SYBU: variants seen among roughly 807,000 people sequenced by gnomAD.
The protein encoded by SYBU is syntabulin, also known as GOLSYN A protein.
A neutral mutation model predicts 35.9 loss-of-function variants in SYBU; 21 were observed. The ratio of observed to expected loss-of-function variants is 0.58; its 90% CI spans 0.41 to 0.84. The LOEUF (loss-of-function observed/expected upper bound fraction) is 0.84, where lower values mean the gene tolerates loss of function less well. SYBU is among the 40% of genes least tolerant of loss of function. The pLI, the probability that SYBU is intolerant of heterozygous loss-of-function variation, is 0.00. For synonymous variants in SYBU, 319 were observed against 324.3 expected, an observed-to-expected ratio of 0.98 and a Z score of 0.18; for missense variants, 768 against 848.2, an observed-to-expected ratio of 0.91 and a Z score of 1.17.
intron 1 of SYBU, chr8:109,644,300 CT>C: frequency 3.7e-6 from 2 of 539,030 alleles, no homozygotes; most frequent in East Asian, 4.1e-5. Flanking sequence ...CGGGAGTCCT[CT>C]TTTCCCAGTC....
At chr8:109,681,034 C>A (rs1315241922), upstream of SYBU, 1 of 152,190 alleles carries the variant, frequency 6.6e-6, no homozygotes, top group East Asian at 1.9e-4. Context: ...TGGTATTTCC[C>A]TTGTGCACTA....
rs71564047 is a variant in SYBU, at chr8:109,607,808, T to TCTCACACACACACA, written c.427+11033_427+11034insTGTGTGTGTGTGAG. 2.4e-5 allele frequency: 9 copies of TCTCACACACACACA among 377,118 alleles called. No individual in the cohort carries two copies. In the East Asian group the frequency reaches 2.6e-4, roughly 11 times the overall value. 23.4% of individuals were successfully genotyped at this position (377,118 alleles called of 1,614,324 possible). On this transcript the variant is annotated intron_variant, in intron 3 of 6. Transcript: ENST00000276646. Reference sequence around the variant, plus strand: ...TCCATTTTGGCCTACCACAACTAACTCACACACACACACACACACACACAC... The same window carrying TCTCACACACACACA: ...TCCATTTTGGCCTACCACAACTAACTCTCACACACACACACACACACACACACACACACACACAC...
intron 1 of SYBU, among the ~76,000 whole-genome samples, chr8:109,686,697 A>G (rs150980241): frequency 1.4e-5 from 2 of 142,910 alleles, no homozygotes; most frequent in East Asian, 2.2e-4. Flanking sequence ...TAATAAGTTG[A>G]ACCTAAATTG....
chr8:109,650,576 A>T (rs2130715652), intron 1 of SYBU, among the ~76,000 whole-genome samples: 1 of 152,210 alleles, frequency 6.6e-6, no homozygotes, highest in Non-Finnish European at 1.5e-5. Context: ...CTTTATTCCC[A>T]CTTCCTAGGT....
At chr8:109,655,853 G>A (rs912265256) in intron 1 of SYBU, among the ~76,000 whole-genome samples, 7 of 152,136 alleles carry the variant, frequency 4.6e-5, no homozygotes, top group African/African-American at 7.2e-5. Context: ...GGTGGCTCAC[G>A]CCTGTAATCC....
chr8:109,582,283 C>A (rs1227057696), intron 4 of SYBU, among the ~76,000 whole-genome samples: 2 of 152,076 alleles, frequency 1.3e-5, no homozygotes, highest in Non-Finnish European at 2.9e-5. Context: ...TAAAAAGAAG[C>A]AACATGCTTA....
chr8:109,687,097 A>G (rs1817536245), intron 1 of SYBU, among the ~76,000 whole-genome samples: 1 of 152,216 alleles, frequency 6.6e-6, no homozygotes, highest in African/African-American at 2.4e-5. Flanking sequence ...CACAGTTTCA[A>G]GAAGACTGGA....
chr8:109,597,411 G>A (rs375019074), intron 3 of SYBU, among the ~76,000 whole-genome samples: 22 of 152,230 alleles, frequency 1.4e-4, no homozygotes, highest in African/African-American at 4.1e-4. Flanking sequence ...AGAAGGAGAA[G>A]CCACCAGTTA....
chr8:109,575,005 C>T lies in SYBU; in HGVS notation c.1893G>A (p.Gly631=), dbSNP rs1240652317. 1.9e-6 allele frequency: 3 copies of T among 1,588,780 alleles called. No individual in the cohort carries two copies. Among genetic ancestry groups the T allele is most frequent in the Non-Finnish European group, 2.6e-6 (3 of 1,165,996 alleles). The change falls in exon 7 of 7, where the codon GGG becomes GGA. Residue 631 remains glycine, a synonymous_variant. Coordinates refer to ENST00000276646, the MANE Select transcript of SYBU (RefSeq NM_001099754.2). ...CGATGTTATACACAGGATCCGTTCCCCCTCTCTGAGTACTGAATGCCCACA... is the reference window on the plus strand; with the variant it reads ...CGATGTTATACACAGGATCCGTTCCTCCTCTCTGAGTACTGAATGCCCACA... ...TVLWAFSTQR[G]GTDPVYNIGA... is the part of the protein sequence containing the mutation.
upstream of SYBU, among the ~76,000 whole-genome samples, chr8:109,648,453 A>G (rs1462623879): frequency 6.6e-6 from 1 of 151,930 alleles, no homozygotes; most frequent in Non-Finnish European, 1.5e-5. Context: ...TTATATTTTC[A>G]GAACTCTTTC....
rs532101480 is a variant in SYBU at position 109,659,271 on chromosome 8, G to A, written c.-129+21440C>T. ...CATTCTAAGATGAGCTTCTAGTGTG[G>A]CAATGTGAGAAAATTAGCCAAAGGG... On this transcript the variant is annotated intron_variant, in intron 1 of 5. Transcript: ENST00000408889. 2.0e-5 allele frequency among the ~76,000 whole-genome samples: 3 copies of A among 152,246 alleles called. No individual in the cohort carries two copies. In the South Asian group the frequency reaches 6.2e-4, roughly 32 times the overall value.
upstream of SYBU, chr8:109,647,069 C>T (rs188334958): frequency 6.6e-6 from 1 of 152,332 alleles, no homozygotes; most frequent in East Asian, 1.9e-4. Context: ...TCATGCTTCT[C>T]CGTGAAAACT....
chr8:109,588,705 C>A (rs879434693), intron 3 of SYBU, among the ~76,000 whole-genome samples: 3 of 152,012 alleles, frequency 2.0e-5, no homozygotes, highest in Non-Finnish European at 2.9e-5. Flanking sequence ...CCTAATCACA[C>A]CCCCCGCCCC....
chr8:109,677,550 T>C (rs1817236909), intron 1 of SYBU, among the ~76,000 whole-genome samples: 1 of 152,200 alleles, frequency 6.6e-6, no homozygotes, highest in Non-Finnish European at 1.5e-5. Context: ...TCTCTACTCA[T>C]TGCCTTAAGG....
chr8:109,600,242 C>A (rs1483463230), intron 3 of SYBU, among the ~76,000 whole-genome samples: 2 of 152,188 alleles, frequency 1.3e-5, no homozygotes, highest in African/African-American at 4.8e-5. Flanking sequence ...AAAAGTTTCT[C>A]CACCATTGGC....
intron 3 of SYBU, among the ~76,000 whole-genome samples, chr8:109,618,314 T>C (rs1236901748): frequency 6.6e-6 from 1 of 152,260 alleles, no homozygotes; most frequent in Non-Finnish European, 1.5e-5. Flanking sequence ...TAGCTTCTAA[T>C]ATTTTGTAAT....
rs370229946 is a variant in SYBU, at chr8:109,577,880, C to T, written c.872G>A (p.Arg291Gln). 10 of 1,612,834 alleles carry T rather than the reference C, an allele frequency of 6.2e-6. No homozygotes were observed. The highest frequency in any genetic ancestry group is 5.3e-5 in the African/African-American group (4 of 74,996). ...AAGGCAGATTCACCTTTCATGGAGTCGGCGCTCAGATTCCTTCAGCTTGGT... is the reference window on the plus strand; with the variant it reads ...AAGGCAGATTCACCTTTCATGGAGTTGGCGCTCAGATTCCTTCAGCTTGGT... ...LKTKLKESER[R>Q]LHERESEIVE... Residue 291 changes from arginine (R) to glutamine (Q), a missense_variant, in exon 6 of 7, where the codon CGA becomes CAA. Coordinates refer to ENST00000276646, the MANE Select transcript of SYBU (RefSeq NM_001099754.2).
chr8:109,690,254 G>A (rs995209883), intron 1 of SYBU, among the ~76,000 whole-genome samples: 4 of 152,282 alleles, frequency 2.6e-5, no homozygotes, highest in Non-Finnish European at 5.9e-5. Flanking sequence ...ATCTCTCAGC[G>A]ACAGGTGCTA....
chr8:109,580,245 CT>C (rs1563678311), intron 4 of SYBU: 6 of 489,286 alleles, frequency 1.2e-5, no homozygotes, highest in African/African-American at 3.9e-5. Flanking sequence ...GACCATAAAG[CT>C]TTTTTTGGAT....
Sources: allele counts gnomAD v4.1 joint callset (sites outside exome capture counted in the v4.1 genomes callset), GRCh38; gene constraint gnomAD v4.1.1; transcripts MANE v1.5; gene names NCBI Gene and HGNC (gene_info 2026-07-23, HGNC 2026-07-21).